Variants in PTPRT observed in about 807,000 individuals in gnomAD.
PTPRT encodes protein tyrosine phosphatase receptor type T, also known as receptor-type tyrosine-protein phosphatase T.
PTPRT carries 56 observed loss-of-function variants against 176.8 expected under a neutral mutation model. The ratio of observed to expected loss-of-function variants is 0.32; its 90% CI spans 0.26 to 0.40. The LOEUF is 0.40. Among genes scored for constraint, PTPRT ranks in the 10% least tolerant of loss-of-function variants. PTPRT has a pLI of 1.00. For missense variants in PTPRT, 1,540 were observed against 1,908.2 expected, an observed-to-expected ratio of 0.81 and a Z score of 3.60; for synonymous variants, 783 against 739.0, an observed-to-expected ratio of 1.06 and a Z score of -0.96.
At chr20:42,868,949 A>C (rs981884438) in intron 2 of PTPRT, among the ~76,000 whole-genome samples, 5 of 152,182 alleles carry the variant, frequency 3.3e-5, no homozygotes, top group Non-Finnish European at 5.9e-5. Context: ...AGTGAGCCCA[A>C]GTGTGGCTCA....
chr20:42,658,508 T>C (rs1284244893), intron 7 of PTPRT, among the ~76,000 whole-genome samples: 16 of 152,172 alleles, frequency 1.1e-4, no homozygotes, highest in South Asian at 2.1e-4. Context: ...CACACTCGTT[T>C]ACAGTAGGGG....
chr20:42,507,783 G>T (rs2071873846), intron 7 of PTPRT, among the ~76,000 whole-genome samples: 1 of 151,702 alleles, frequency 6.6e-6, no homozygotes, highest in Non-Finnish European at 1.5e-5. Flanking sequence ...TGCAACAGCA[G>T]CCAGAGGACA....
At chr20:42,641,834 G>T (rs2074761268) in intron 7 of PTPRT, among the ~76,000 whole-genome samples, 1 of 152,058 alleles carries the variant, frequency 6.6e-6, no homozygotes, top group South Asian at 2.1e-4. Flanking sequence ...GTCGACAGAG[G>T]GAGCAATGCT....
At chr20:42,323,153 C>G (rs1166241918) in intron 11 of PTPRT, among the ~76,000 whole-genome samples, 2 of 152,198 alleles carry the variant, frequency 1.3e-5, no homozygotes, top group African/African-American at 4.8e-5. Context: ...CACTTTTACA[C>G]TGTTGGTGGG....
At chr20:43,004,684 G>C (rs1984763266) in intron 1 of PTPRT, among the ~76,000 whole-genome samples, 1 of 152,156 alleles carries the variant, frequency 6.6e-6, no homozygotes, top group African/African-American at 2.4e-5. Flanking sequence ...ATGCACAATA[G>C]TGAAAAGAAC....
At chr20:43,187,522 G>A (rs1037858450) in intron 1 of PTPRT, among the ~76,000 whole-genome samples, 27 of 151,930 alleles carry the variant, frequency 1.8e-4, no homozygotes, top group African/African-American at 5.8e-4. Flanking sequence ...AAACTGGAAA[G>A]GAGAGGACAG....
intron 1 of PTPRT, among the ~76,000 whole-genome samples, chr20:43,001,865 AACAAACAAACAAAC>A (rs572886820): frequency 0.015 from 2,248 of 150,288 alleles, 51 homozygotes; most frequent in African/African-American, 0.053. Context: ...AAAACAAACA[AACAAACAAACAAAC>A]AAAAAAACAA....
chr20:42,986,108 T>A (rs1383420570), intron 1 of PTPRT, among the ~76,000 whole-genome samples: 2 of 152,202 alleles, frequency 1.3e-5, no homozygotes, highest in East Asian at 1.9e-4. Context: ...AAAAAAAGGA[T>A]CTTAATATGA....
chr20:42,967,081 C>T (rs898179265), intron 1 of PTPRT, among the ~76,000 whole-genome samples: 8 of 152,098 alleles, frequency 5.3e-5, no homozygotes, highest in South Asian at 4.1e-4. Flanking sequence ...TGAGTTTATT[C>T]AAGTTTGCTG....
intron 1 of PTPRT, among the ~76,000 whole-genome samples, chr20:43,082,759 C>G (rs1568773508): frequency 2.6e-5 from 4 of 152,032 alleles, no homozygotes; most frequent in Admixed American, 6.6e-5. Context: ...ATTGACCCCC[C>G]CAAGTCTTGA....
At chr20:42,219,126 G>A (rs1230525263) in intron 15 of PTPRT, among the ~76,000 whole-genome samples, 1 of 152,172 alleles carries the variant, frequency 6.6e-6, no homozygotes, top group Non-Finnish European at 1.5e-5. Context: ...TGCGCTCCTG[G>A]GGAAAGCTAG....
In PTPRT at chr20:42,074,506, T is replaced by G; in HGVS notation, c.*6373A>C. ...ATTCTCCGAACATTCCAATTAAGGA[T>G]CAGAGTCCACATCTCACCACCCAGA... On this transcript the variant is annotated 3_prime_UTR_variant, in exon 31 of 31. Transcript: ENST00000373187. The G allele has an allele frequency of 2.9e-6, 1 of 344,998 alleles. No homozygotes were observed. Among genetic ancestry groups the G allele is most frequent in the Non-Finnish European group, 5.2e-6 (1 of 192,220 alleles). The allele number at this position is 344,998 out of a possible 1,614,324, so 21.4% of individuals were successfully genotyped here.
intron 1 of PTPRT, among the ~76,000 whole-genome samples, chr20:43,028,230 G>T (rs1236383677): frequency 6.6e-6 from 1 of 152,130 alleles, no homozygotes; most frequent in Admixed American, 6.5e-5. Context: ...AACATATGGA[G>T]AGAGGCCCTT....
intron 7 of PTPRT, among the ~76,000 whole-genome samples, chr20:42,659,492 C>T (rs1051473359): frequency 6.6e-6 from 1 of 152,186 alleles, no homozygotes; most frequent in African/African-American, 2.4e-5. Context: ...ACCAGATGCG[C>T]CAGCCAGACA....
chr20:42,524,974 G>T (rs2072243074), intron 7 of PTPRT, among the ~76,000 whole-genome samples: 1 of 151,838 alleles, frequency 6.6e-6, no homozygotes, highest in African/African-American at 2.4e-5. Context: ...TCAACATTTG[G>T]TGTTCTCAAT....
intron 7 of PTPRT, among the ~76,000 whole-genome samples, chr20:42,641,747 C>A (rs1182421153): frequency 6.6e-6 from 1 of 152,078 alleles, no homozygotes; most frequent in Non-Finnish European, 1.5e-5. Flanking sequence ...GCCACAGAGA[C>A]CAAGAGTGGT....
the PTPRT span, among the ~76,000 whole-genome samples, chr20:42,062,461 G>A: frequency 0.028 from 4,239 of 152,286 alleles, 206 homozygotes; most frequent in African/African-American, 0.097. Context: ...GAAAGATGCC[G>A]TTCTGGGGCA....
At chr20:42,947,940 T>C (rs1415685767) in intron 1 of PTPRT, among the ~76,000 whole-genome samples, 3 of 152,184 alleles carry the variant, frequency 2.0e-5, no homozygotes, top group Non-Finnish European at 4.4e-5. Context: ...TCCCTAGTAC[T>C]AGAACAGTGC....
intron 7 of PTPRT, among the ~76,000 whole-genome samples, chr20:42,656,563 A>T (rs2075128714): frequency 1.3e-5 from 2 of 152,190 alleles, no homozygotes; most frequent in African/African-American, 4.8e-5. Context: ...CTGCTCATCC[A>T]CTGTTGAAGG....
Sources: allele counts gnomAD v4.1 joint callset (sites outside exome capture counted in the v4.1 genomes callset), GRCh38; gene constraint gnomAD v4.1.1; transcripts MANE v1.5; gene names NCBI Gene and HGNC (gene_info 2026-07-23, HGNC 2026-07-21).